TIAM1: variants seen among roughly 807,000 people sequenced by gnomAD.
TIAM1 encodes TIAM Rac1 associated GEF 1.
Under a neutral mutation model 163.5 loss-of-function variants are expected in TIAM1, and 65 were observed. The ratio of observed to expected loss-of-function variants is 0.40; its 90% CI spans 0.33 to 0.49. The LOEUF is 0.49. Among genes scored for constraint, TIAM1 ranks in the 20% least tolerant of loss-of-function variants. TIAM1 has a pLI of 0.77. For missense variants in TIAM1, 1,789 were observed against 2,044.7 expected (o/e 0.87, Z 2.41); for synonymous variants, 833 against 810.1 (o/e 1.03, Z -0.48).
intron 1 of TIAM1, among the ~76,000 whole-genome samples, chr21:31,558,152 G>T (rs2048953568): frequency 2.1e-5 from 3 of 145,982 alleles, no homozygotes; most frequent in Non-Finnish European, 4.5e-5. Flanking sequence ...GCCCCACGCG[G>T]GTCCCCAGCC....
chr21:31,292,265 CTTCTTCCCCTTG>C (rs2074051019), intron 2 of TIAM1, among the ~76,000 whole-genome samples: 1 of 152,104 alleles, frequency 6.6e-6, no homozygotes, highest in Admixed American at 6.5e-5. Flanking sequence ...CTCTTGTGTC[CTTCTTCCCCTTG>C]TTCTTCCCCG....
chr21:31,259,476 T>C (rs1203767618), intron 4 of TIAM1, among the ~76,000 whole-genome samples: 12 of 151,882 alleles, frequency 7.9e-5, no homozygotes, highest in Admixed American at 7.9e-4. Context: ...GTGGGCATAG[T>C]GGTCCATGCC....
At chr21:31,392,267 C>G (rs547153550) in intron 2 of TIAM1, among the ~76,000 whole-genome samples, 2 of 152,148 alleles carry the variant, frequency 1.3e-5, no homozygotes, top group Admixed American at 1.3e-4. Context: ...TATTGTCTGC[C>G]TTGTTAAAAA....
intron 3 of TIAM1, among the ~76,000 whole-genome samples, chr21:31,275,848 A>G (rs982660704): frequency 2.0e-5 from 3 of 152,208 alleles, no homozygotes; most frequent in African/African-American, 7.2e-5. Context: ...TGGGAAGGAC[A>G]TTGTGAAATC....
intron 12 of TIAM1, among the ~76,000 whole-genome samples, chr21:31,202,707 G>A (rs1169417266): frequency 6.6e-6 from 1 of 152,210 alleles, no homozygotes. Flanking sequence ...GCACTGCACT[G>A]CTTCGTGCGT....
chr21:31,288,987 C>T (rs2073916003), intron 2 of TIAM1, among the ~76,000 whole-genome samples: 1 of 152,176 alleles, frequency 6.6e-6, no homozygotes, highest in Non-Finnish European at 1.5e-5. Context: ...TGAACTCACT[C>T]TTATTATTTA....
At position 31,514,914 on chromosome 21, in the gene TIAM1, G is replaced by A. The variant is rs375239215; in HGVS notation, c.-422+44013C>T. On this transcript the variant is annotated intron_variant, in intron 1 of 28. Coordinates refer to the TIAM1 transcript ENST00000286827. ...CAGCGGAAAGCCGATGTTAGGAGTT[G>A]GGAGAGATGGAAAGCAAGATAGAGT... 3.9e-5 allele frequency among the ~76,000 whole-genome samples: 6 copies of A among 152,314 alleles called. No homozygotes were observed. The East Asian group carries it at 7.7e-4, about 20-fold the overall frequency.
intron 16 of TIAM1, 110 bp downstream of exon 16, chr21:31,164,852 A>T: frequency 9.2e-7 from 1 of 1,081,242 alleles, no homozygotes; most frequent in Non-Finnish European, 1.4e-6. Flanking sequence ...AAGCAAAAAC[A>T]CTTCGTCCAT....
chr21:31,312,524 CCTAA>C (rs1229684720), intron 2 of TIAM1, among the ~76,000 whole-genome samples: 5 of 152,138 alleles, frequency 3.3e-5, no homozygotes, highest in Non-Finnish European at 7.4e-5. Flanking sequence ...AAACACTTTC[CCTAA>C]CCAAAAATTT....
At chr21:31,121,060 G>T (rs2081983983) in intron 27 of TIAM1, among the ~76,000 whole-genome samples, 1 of 152,154 alleles carries the variant, frequency 6.6e-6, no homozygotes, top group African/African-American at 2.4e-5. Flanking sequence ...TGATGCAAGG[G>T]CAAGGGGGAA....
At chr21:31,293,431 G>A (rs1021617371) in intron 2 of TIAM1, among the ~76,000 whole-genome samples, 12 of 152,278 alleles carry the variant, frequency 7.9e-5, no homozygotes, top group East Asian at 1.9e-4. Flanking sequence ...TTGACCAAAC[G>A]ACTAGGCACC....
intron 2 of TIAM1, among the ~76,000 whole-genome samples, chr21:31,286,257 A>G (rs1473029824): frequency 3.9e-5 from 6 of 152,122 alleles, no homozygotes; most frequent in Non-Finnish European, 7.3e-5. Flanking sequence ...AAAGTTAATG[A>G]TTTAAAAAAA....
At chr21:31,480,839 C>T (rs2046087461) in intron 1 of TIAM1, among the ~76,000 whole-genome samples, 1 of 152,168 alleles carries the variant, frequency 6.6e-6, no homozygotes, top group Non-Finnish European at 1.5e-5. Context: ...CTGCAACCTC[C>T]GTCTCCCAGG....
At chr21:31,255,298 T>G (rs1293298341) in intron 4 of TIAM1, among the ~76,000 whole-genome samples, 1 of 152,196 alleles carries the variant, frequency 6.6e-6, no homozygotes, top group Non-Finnish European at 1.5e-5. Flanking sequence ...CCCACTGATA[T>G]GTGACCCAGC....
chr21:31,153,993 A>G lies in TIAM1; in HGVS notation c.3171+254T>C, dbSNP rs1292952931. Among the ~76,000 whole-genome samples, 3 of 152,104 alleles carry G rather than the reference A, an allele frequency of 2.0e-5. No individual in the cohort carries two copies. In the South Asian group the frequency reaches 6.3e-4, roughly 32 times the overall value. On this transcript the variant is annotated intron_variant, in intron 17 of 27. Coordinates refer to ENST00000541036, the MANE Select transcript of TIAM1 (RefSeq NM_001353694.2). ...GAGGGAGGATTACTTGAGCGCAGGA[A>G]GTAAAGGCTGCAGTGAGCTATGATC... is the stretch of plus-strand genomic sequence containing the variant.
chr21:31,416,649 T>C lies in TIAM1; in HGVS notation c.-369+47334A>G, dbSNP rs139489449. Among the ~76,000 whole-genome samples, 932 of 152,336 alleles carry C rather than the reference T, an allele frequency of 6.1e-3. 15 individuals are homozygous for C. Among genetic ancestry groups the C allele is most frequent in the African/African-American group, 0.021 (865 of 41,570 alleles). ...CATCCAAGTTGCGCAACAGACATGA[T>C]TTCATTCCTTTTTGTGGCTGTTCCA... On this transcript the variant is annotated intron_variant, in intron 2 of 28. Transcript: ENST00000286827.
In TIAM1 at chr21:31,201,210, C is replaced by T. The variant is rs1295626457; in HGVS notation, c.2493+1698G>A. Among the ~76,000 whole-genome samples, 4 of 152,176 alleles carry T rather than the reference C, an allele frequency of 2.6e-5. No individual in the cohort carries two copies. The South Asian group carries it at 6.2e-4, about 24-fold the overall frequency. On this transcript the variant is annotated intron_variant, in intron 12 of 27. Coordinates refer to ENST00000541036, the MANE Select transcript of TIAM1 (RefSeq NM_001353694.2). ...AACTCTTCTAGTGTTAGCAGGAAAG[C>T]ACTTCCCTTTTTTAAGTAAGAAAAA... is the stretch of plus-strand genomic sequence containing the variant.
At chr21:31,228,611 T>C (rs1181242692) in intron 6 of TIAM1, among the ~76,000 whole-genome samples, 4 of 152,182 alleles carry the variant, frequency 2.6e-5, no homozygotes, top group African/African-American at 9.7e-5. Context: ...ACAGCAAGAA[T>C]GAAGGACCTA....
At chr21:31,437,428 G>T (rs2044246497) in intron 2 of TIAM1, among the ~76,000 whole-genome samples, 1 of 151,258 alleles carries the variant, frequency 6.6e-6, no homozygotes, top group South Asian at 2.1e-4. Flanking sequence ...AATTGACCCT[G>T]GGAGGTTGAG....
Sources: gnomAD v4.1 joint callset for allele counts (sites outside exome capture counted in the v4.1 genomes callset) on GRCh38, gnomAD v4.1.1 for gene constraint, MANE v1.5 for transcripts, NCBI Gene and HGNC (gene_info 2026-07-23, HGNC 2026-07-21) for gene names.